PNPO: variants seen among roughly 807,000 people sequenced by gnomAD.
PNPO encodes pyridoxamine 5'-phosphate oxidase.
Under a neutral mutation model 35.0 loss-of-function variants are expected in PNPO, and 39 were observed. That is an observed-to-expected ratio of 1.11 (90% CI 0.86 to 1.45). The LOEUF (loss-of-function observed/expected upper bound fraction) is 1.45, where lower values mean the gene tolerates loss of function less well. Among genes scored for constraint, PNPO ranks in the 40% most tolerant of loss-of-function variants. The pLI, the probability that PNPO is intolerant of heterozygous loss-of-function variation, is 0.00. For synonymous variants in PNPO, 115 were observed against 119.8 expected (o/e 0.96, Z 0.26); for missense variants, 288 against 340.0 (o/e 0.85, Z 1.20).
chr17:47,943,612 A>G (rs1396596342), intron 2 of PNPO, among the ~76,000 whole-genome samples, 182 bp downstream of exon 2: 1 of 152,224 alleles, frequency 6.6e-6, no homozygotes, highest in Non-Finnish European at 1.5e-5. Context: ...AGACCAGGCC[A>G]CAAAATTACA....
At position 47,945,063 on chromosome 17, in the gene PNPO, C is replaced by T. The variant is rs1598198711; in HGVS notation, c.363+348C>T. 2.5e-6 allele frequency: 1 copy of T among 405,224 alleles called. No individual in the cohort carries two copies. Among genetic ancestry groups the T allele is most frequent in the East Asian group, 5.8e-5 (1 of 17,346 alleles). The allele number at this position is 405,224 out of a possible 1,614,324, so 25.1% of individuals were successfully genotyped here. On this transcript the variant is annotated intron_variant, in intron 3 of 6. Transcript: ENST00000642017. The surrounding 1 kb of genome is among the most constrained non-coding windows in gnomAD (Gnocchi z 4.0). ...TTTTGTCTTCTTCTTCAGTTTGTAA[C>T]TGAGCATTTGTTTGGGTGATTATGT...
rs1199573485 is a variant in PNPO at position 47,948,353 on chromosome 17, C to T, written c.*1571C>T. 1 of 152,134 alleles carries T rather than the reference C, an allele frequency of 6.6e-6. No individual in the cohort carries two copies. Among genetic ancestry groups the T allele is most frequent in the Non-Finnish European group, 1.5e-5 (1 of 68,016 alleles). The allele number at this position is 152,134 out of a possible 1,614,324, so 9.4% of individuals were successfully genotyped here. A position where few individuals can be genotyped will look rare whatever the true frequency, so the allele number is the denominator to read the frequency against. ...TAATTCCTAGTTCATTGGTTTTTCC[C>T]CCACACTGGAATTACCTGGGGAGCT... is the stretch of plus-strand genomic sequence containing the variant. On this transcript the variant is annotated 3_prime_UTR_variant, in exon 7 of 7. Transcript: ENST00000642017.
At chr17:47,943,490 G>A (rs1485952567) in intron 2 of PNPO, 60 bp downstream of exon 2, 9 of 1,600,890 alleles carry the variant, frequency 5.6e-6, no homozygotes, top group Non-Finnish European at 6.8e-6. Flanking sequence ...AGCTTATGAA[G>A]CTCTCTACTC....
rs1299857427 is a variant in PNPO, at chr17:47,946,705, C to T, written c.709C>T (p.Pro237Ser). ...CCGGATAGTCTTTCGGCGGGGCCTA[C>T]CCACAGGAGATTCCCCTTTGGGGCC... ...HDRIVFRRGL[P>S]TGDSPLGPMT... is the part of the protein sequence containing the mutation. The change falls in exon 7 of 7, where the codon CCC becomes TCC. Residue 237 changes from proline to serine, a missense_variant. By Grantham distance (74) the Pro-to-Ser change is moderately conservative (BLOSUM62 -1). Transcript: ENST00000642017. The T allele has an allele frequency of 6.8e-6, 11 of 1,614,154 alleles. No individual in the cohort carries two copies. Among genetic ancestry groups the T allele is most frequent in the Non-Finnish European group, 8.5e-6 (10 of 1,179,990 alleles).
At chr17:47,944,925 C>T in intron 3 of PNPO, 1 of 615,332 alleles carries the variant, frequency 1.6e-6, no homozygotes, top group Admixed American at 2.4e-5. Context: ...CAGCCATGAC[C>T]TGTTCCTTCA....
Position 47,946,638 on chromosome 17 carries a change from G to A in PNPO, c.642G>A (p.Gln214=). 1 of 1,614,228 alleles carries A rather than the reference G, an allele frequency of 6.2e-7. No individual in the cohort carries two copies. The highest frequency in any genetic ancestry group is 1.6e-4 in the Middle Eastern group (1 of 6,062). Reference sequence around the variant, plus strand: ...GGGGTGGCTATGTCCTGTACCCTCAGGTGATGGAGTTCTGGCAAGGTCAAA... The same window carrying A: ...GGGGTGGCTATGTCCTGTACCCTCAAGTGATGGAGTTCTGGCAAGGTCAAA... The part of the protein sequence containing the change: ...KSWGGYVLYP[Q]VMEFWQGQTN... Residue 214 remains glutamine, a synonymous_variant, in exon 7 of 7, where the codon CAG becomes CAA. Transcript: ENST00000642017.
chr17:47,946,359 T>C lies in PNPO; in HGVS notation c.583T>C (p.Tyr195His), dbSNP rs747870171. 29 of 1,613,636 alleles carry C rather than the reference T, an allele frequency of 1.8e-5. No homozygotes were observed. The highest frequency in any genetic ancestry group is 2.5e-5 in the Non-Finnish European group (29 of 1,179,662). Reference sequence around the variant, plus strand: ...GAAAAATGAGGAACTGGAACAGCTCTACCAGGATCAAGAGGTGCCCAAGCC... The same window carrying C: ...GAAAAATGAGGAACTGGAACAGCTCCACCAGGATCAAGAGGTGCCCAAGCC... ...RKKNEELEQL[Y>H]QDQEVPKPKS... The change falls in exon 6 of 7, where the codon TAC (tyrosine) becomes CAC (histidine). Residue 195 changes from tyrosine (Y) to histidine (H), a missense_variant. By Grantham distance (83) the Tyr-to-His change is moderately conservative (BLOSUM62 2). Coordinates refer to ENST00000642017, the MANE Select transcript of PNPO (RefSeq NM_018129.4).
In PNPO at chr17:47,944,671, T is replaced by G. The variant is rs2035985793; in HGVS notation, c.319T>G (p.Phe107Val). Residue 107 changes from phenylalanine to valine, a missense_variant, in exon 3 of 7, where the codon TTC becomes GTC. Physicochemically the swap from Phe to Val is conservative, Grantham distance 50 (BLOSUM62 -1). Transcript: ENST00000642017. The stretch of plus-strand genomic sequence containing the variant: ...GCTGAAGGGCTTCGGGAAAGATGGC[T>G]TCCGCTTCTTCACTAACTTCGAGAG... ...LLLKGFGKDGFRFFTNFESRK... is the reference protein window; with the variant it reads ...LLLKGFGKDGVRFFTNFESRK... The G allele has an allele frequency of 1.2e-6, 2 of 1,614,196 alleles. No individual in the cohort carries two copies. The highest frequency in any genetic ancestry group is 1.3e-5 in the African/African-American group (1 of 75,050).
At chr17:47,941,859 G>T in intron 1 of PNPO, 46 bp downstream of exon 1, 1 of 1,526,860 alleles carries the variant, frequency 6.5e-7, no homozygotes, top group Non-Finnish European at 8.8e-7. Flanking sequence ...GGGGAAAAGG[G>T]GTCCCCGGAG....
chr17:47,945,553 T>G lies in PNPO; in HGVS notation c.364-6T>G. On this transcript the variant is annotated splice_polypyrimidine_tract_variant and splice_region_variant and intron_variant, in intron 3 of 6. Transcript: ENST00000642017. This position sits in a 1 kb window ranked among gnomAD's most constrained non-coding sequence, Gnocchi z 4.0. ...TGGCTGGCTGTGGATTCTCTTTTAC[T>G]TCTAGGACTCTAATCCCTTTGCTTC... 6.2e-7 allele frequency: 1 copy of G among 1,612,144 alleles called. No individual in the cohort carries two copies. Among genetic ancestry groups the G allele is most frequent in the Non-Finnish European group, 8.5e-7 (1 of 1,178,158 alleles).
chr17:47,944,822 G>A, intron 3 of PNPO, 107 bp downstream of exon 3: 1 of 876,586 alleles, frequency 1.1e-6, no homozygotes, highest in Non-Finnish European at 1.9e-6. Context: ...CTTGCTCTCT[G>A]TGTGCAGGTG....
rs2036035272 is a variant in PNPO, at chr17:47,948,306, T to C, written c.*1524T>C. On this transcript the variant is annotated 3_prime_UTR_variant, in exon 7 of 7. Coordinates refer to ENST00000642017, the MANE Select transcript of PNPO (RefSeq NM_018129.4). ...TTCAGACTACTCACGTATCTGCTTT[T>C]CTTACTCCCCACCTCTGCTGATAAT... 6.6e-6 allele frequency: 1 copy of C among 152,254 alleles called. No individual in the cohort carries two copies. The highest frequency in any genetic ancestry group is 1.5e-5 in the Non-Finnish European group (1 of 68,050). 9.4% of individuals were successfully genotyped at this position (152,254 alleles called of 1,614,324 possible). A position where few individuals can be genotyped will look rare whatever the true frequency, so the allele number is the denominator to read the frequency against.
rs1187188635 is a variant in PNPO at position 47,946,607 on chromosome 17, C to T, written c.618-7C>T. 3.1e-6 allele frequency: 5 copies of T among 1,613,962 alleles called. No homozygotes were observed. The highest frequency in any genetic ancestry group is 4.2e-6 in the Non-Finnish European group (5 of 1,179,914). ...CAGAGCACTGAAACCTCTGCTTCTC[C>T]TTATAGGGGTGGCTATGTCCTGTAC... On this transcript the variant is annotated splice_region_variant and splice_polypyrimidine_tract_variant and intron_variant, in intron 6 of 6. Coordinates refer to ENST00000642017, the MANE Select transcript of PNPO (RefSeq NM_018129.4).
Position 47,947,544 on chromosome 17 carries a change from T to G in PNPO, c.*762T>G, listed in dbSNP as rs1199394085. On this transcript the variant is annotated 3_prime_UTR_variant, in exon 7 of 7. Transcript: ENST00000642017. The stretch of plus-strand genomic sequence containing the variant: ...TTTCTTTTTTCTTTTCTTTTTTTTT[T>G]TTGAGATGGAGTCTCACTCTGTCAC... The G allele has an allele frequency of 6.6e-6, 1 of 151,460 alleles. No individual in the cohort carries two copies. The highest frequency in any genetic ancestry group is 6.6e-5 in the Admixed American group (1 of 15,192). The allele number at this position is 151,460 out of a possible 1,614,324, so 9.4% of individuals were successfully genotyped here.
chr17:47,943,120 GT>G (rs1027037632), intron 1 of PNPO, among the ~76,000 whole-genome samples, 185 bp from the exon 2 acceptor site: 58 of 152,206 alleles, frequency 3.8e-4, no homozygotes, highest in Admixed American at 3.2e-3. Flanking sequence ...AGTTGTCTGA[GT>G]TTTTATGCCT....
At position 47,946,636 on chromosome 17, in the gene PNPO, C is replaced by T; in HGVS notation, c.640C>T (p.Gln214Ter). 1 of 1,614,222 alleles carries T rather than the reference C, an allele frequency of 6.2e-7. No homozygotes were observed. Among genetic ancestry groups the T allele is most frequent in the East Asian group, 2.2e-5 (1 of 44,884 alleles). The change falls in exon 7 of 7, where the codon CAG becomes TAG. Residue 214 changes from glutamine to a stop codon, truncating the protein, a stop_gained. Coordinates refer to ENST00000642017, the MANE Select transcript of PNPO (RefSeq NM_018129.4). LOFTEE classifies it high-confidence loss of function. ...TAGGGGTGGCTATGTCCTGTACCCT[C>T]AGGTGATGGAGTTCTGGCAAGGTCA... is the stretch of plus-strand genomic sequence containing the variant. ...KSWGGYVLYP[Q>*]VMEFWQGQTN...
rs748045101 is a variant in PNPO at position 47,946,604 on chromosome 17, C to A, written c.618-10C>A. 2 of 1,614,070 alleles carry A rather than the reference C, an allele frequency of 1.2e-6. No homozygotes were observed. Among genetic ancestry groups the A allele is most frequent in the Non-Finnish European group, 1.7e-6 (2 of 1,179,878 alleles). ...CCACAGAGCACTGAAACCTCTGCTT[C>A]TCCTTATAGGGGTGGCTATGTCCTG... On this transcript the variant is annotated splice_polypyrimidine_tract_variant and intron_variant, in intron 6 of 6. Transcript: ENST00000642017.
chr17:47,941,726 G>A lies in PNPO; in HGVS notation c.51G>A (p.Glu17=), dbSNP rs1331823321. ...GVTATFGRPA[E]WPGYLSHLCG... ...CGGCGACGTTCGGGCGACCTGCCGAGTGGCCAGGCTACCTCAGTCACCTGT... is the reference window on the plus strand; with the variant it reads ...CGGCGACGTTCGGGCGACCTGCCGAATGGCCAGGCTACCTCAGTCACCTGT... The change falls in exon 1 of 7, where the codon GAG becomes GAA. Residue 17 remains glutamate, a synonymous_variant. Transcript: ENST00000642017. 8.4e-6 allele frequency: 13 copies of A among 1,547,202 alleles called. No homozygotes were observed. The East Asian group carries it at 2.9e-4, about 35-fold the overall frequency.
chr17:47,944,696 G>A lies in PNPO; in HGVS notation c.344G>A (p.Ser115Asn). Residue 115 changes from serine (S) to asparagine (N), a missense_variant, in exon 3 of 7, where the codon AGT (serine) becomes AAT (asparagine). Coordinates refer to ENST00000642017, the MANE Select transcript of PNPO (RefSeq NM_018129.4). ...DGFRFFTNFE[S>N]RKGKELDSNP... ...TTCCGCTTCTTCACTAACTTCGAGA[G>A]TCGAAAAGGAAAAGAGCTGGTGGGT... The A allele has an allele frequency of 6.2e-7, 1 of 1,614,060 alleles. No individual in the cohort carries two copies. Among genetic ancestry groups the A allele is most frequent in the East Asian group, 2.2e-5 (1 of 44,892 alleles).
Sources: gnomAD v4.1 joint callset for allele counts (sites outside exome capture counted in the v4.1 genomes callset) on GRCh38, gnomAD v4.1.1 for gene constraint, Gnocchi (gnomAD v3.1) non-coding constraint, MANE v1.5 for transcripts, NCBI Gene and HGNC (gene_info 2026-07-23, HGNC 2026-07-21) for gene names.